The following PCDH9 variants were observed in gnomAD, a reference collection of about 807,000 sequenced individuals.
The protein encoded by PCDH9 is protocadherin 9.
PCDH9 carries 24 observed loss-of-function variants against 70.6 expected under a neutral mutation model. That is an observed-to-expected ratio of 0.34 (90% CI 0.25 to 0.48). PCDH9 has a LOEUF of 0.48. Ranked by LOEUF, PCDH9 falls within the 20% of genes least tolerant of loss-of-function variation. The pLI is 0.99. For synonymous variants in PCDH9, 562 were observed against 558.5 expected, an observed-to-expected ratio of 1.01 and a Z score of -0.09; for missense variants, 1,281 against 1,503.6, an observed-to-expected ratio of 0.85 and a Z score of 2.45.
intron 4 of PCDH9, among the ~76,000 whole-genome samples, chr13:66,477,429 A>C (rs1472176312): frequency 1.3e-5 from 2 of 152,190 alleles, no homozygotes; most frequent in Non-Finnish European, 2.9e-5. Context: ...TTTCATGTGA[A>C]TTTATGCTTA....
intron 2 of PCDH9, among the ~76,000 whole-genome samples, chr13:66,922,424 G>C (rs562049790): frequency 6.6e-6 from 1 of 151,362 alleles, no homozygotes; most frequent in South Asian, 2.1e-4. Context: ...AGTACACTTT[G>C]CTTCCAAATG....
chr13:66,544,218 G>A (rs905597230), intron 4 of PCDH9, among the ~76,000 whole-genome samples: 8 of 151,804 alleles, frequency 5.3e-5, no homozygotes, highest in Non-Finnish European at 8.8e-5. Context: ...ACTGTTTTTC[G>A]GTCCAGTATT....
intron 4 of PCDH9, among the ~76,000 whole-genome samples, chr13:66,558,954 G>A (rs1216667250): frequency 2.9e-4 from 44 of 152,172 alleles, no homozygotes; most frequent in Non-Finnish European, 1.3e-4. Flanking sequence ...TACCTGGTGA[G>A]TTCTTAATTT....
rs985476459 is a variant in PCDH9 at position 66,707,555 on chromosome 13, T to G, written c.3139-76144A>C. On this transcript the variant is annotated intron_variant, in intron 3 of 4. Coordinates refer to ENST00000377865, the MANE Select transcript of PCDH9 (RefSeq NM_203487.3). ...CAACATAGCAATAAATGAGATTACA[T>G]AGGCGCTTCTGCTCAACTGGGATAA... 7.2e-5 allele frequency among the ~76,000 whole-genome samples: 11 copies of G among 152,332 alleles called. No individual in the cohort carries two copies. The East Asian group carries it at 2.1e-3, about 29-fold the overall frequency.
intron 2 of PCDH9, chr13:67,211,351 T>C (rs1199217719): frequency 2.7e-4 from 41 of 152,014 alleles, no homozygotes; most frequent in Admixed American, 2.7e-3. Flanking sequence ...TTGATGGTTA[T>C]CACAGAAGTC....
At chr13:66,453,822 G>A (rs1225591420) in intron 4 of PCDH9, among the ~76,000 whole-genome samples, 2 of 152,048 alleles carry the variant, frequency 1.3e-5, no homozygotes, top group Non-Finnish European at 2.9e-5. Flanking sequence ...AATGAGATAT[G>A]CATATCTCAT....
chr13:66,559,817 A>AATATATAT lies in PCDH9; in HGVS notation c.3340+71385_3340+71392dup, dbSNP rs1555306267. 1.0e-3 allele frequency among the ~76,000 whole-genome samples: 95 copies of AATATATAT among 93,082 alleles called. 2 individuals are homozygous for AATATATAT. The highest frequency in any genetic ancestry group is 3.9e-3 in the African/African-American group (88 of 22,774). 61.1% of individuals were successfully genotyped at this position (93,082 alleles called of 152,430 possible). A position where few individuals can be genotyped will look rare whatever the true frequency, so the allele number is the denominator to read the frequency against. ...TCCATCTCAAAAAAAAAAAAAAAAA[A>AATATATAT]ATATATATATATATATACACACACA... On this transcript the variant is annotated intron_variant, in intron 4 of 4. Transcript: ENST00000377865.
At chr13:66,635,046 C>A (rs1032010704) in intron 3 of PCDH9, among the ~76,000 whole-genome samples, 7 of 152,086 alleles carry the variant, frequency 4.6e-5, no homozygotes, top group African/African-American at 1.7e-4. Flanking sequence ...CTTACTGCCT[C>A]CAAAAATTTT....
At chr13:66,765,062 C>T (rs1374117999) in intron 3 of PCDH9, among the ~76,000 whole-genome samples, 1 of 132,466 alleles carries the variant, frequency 7.5e-6, no homozygotes, top group Non-Finnish European at 1.6e-5. Context: ...CTCTCTCTGT[C>T]TGTCTCTGCC....
intron 2 of PCDH9, among the ~76,000 whole-genome samples, chr13:67,077,854 TA>T (rs575010074): frequency 4.0e-5 from 6 of 151,466 alleles, no homozygotes; most frequent in African/African-American, 7.3e-5. Context: ...ATGCCCACAT[TA>T]AAAAAAAATT....
chr13:66,526,513 C>CTT lies in PCDH9; in HGVS notation c.3340+104696_3340+104697insAA, dbSNP rs1348448794. On this transcript the variant is annotated intron_variant, in intron 4 of 4. Coordinates refer to ENST00000377865, the MANE Select transcript of PCDH9 (RefSeq NM_203487.3). ...ACTTATACAATGCTTTGAAATCTCT[C>CTT]TCTCTCTCTCTCTCTCTCTGTCTCT... 3.4e-5 allele frequency among the ~76,000 whole-genome samples: 3 copies of CTT among 87,654 alleles called. No individual in the cohort carries two copies. In the South Asian group the frequency reaches 1.4e-3, roughly 42 times the overall value. The allele number at this position is 87,654 out of a possible 152,430, so 57.5% of individuals were successfully genotyped here. A position where few individuals can be genotyped will look rare whatever the true frequency, so the allele number is the denominator to read the frequency against.
At chr13:66,892,106 G>T (rs1481519058) in intron 3 of PCDH9, among the ~76,000 whole-genome samples, 1 of 150,648 alleles carries the variant, frequency 6.6e-6, no homozygotes, top group African/African-American at 2.4e-5. Flanking sequence ...AATCTAACTA[G>T]CTAGTTTTTA....
At chr13:67,022,310 G>A (rs1466910403) in intron 2 of PCDH9, among the ~76,000 whole-genome samples, 2 of 151,378 alleles carry the variant, frequency 1.3e-5, no homozygotes, top group East Asian at 3.9e-4. Context: ...TTGTAGAGAT[G>A]GGGTTTCTCC....
intron 3 of PCDH9, among the ~76,000 whole-genome samples, chr13:66,649,286 G>C (rs2077816246): frequency 6.6e-6 from 1 of 151,960 alleles, no homozygotes. Context: ...AAAGGCCAAG[G>C]ATAAAGAAAG....
At chr13:66,969,421 A>G (rs995938202) in intron 2 of PCDH9, among the ~76,000 whole-genome samples, 1 of 152,056 alleles carries the variant, frequency 6.6e-6, no homozygotes, top group Admixed American at 6.6e-5. Flanking sequence ...CTTATATACT[A>G]ATAATAAATT....
At chr13:66,431,821 C>T (rs1301089294) in intron 4 of PCDH9, among the ~76,000 whole-genome samples, 1 of 151,874 alleles carries the variant, frequency 6.6e-6, no homozygotes, top group Non-Finnish European at 1.5e-5. Context: ...ATTTTAATGA[C>T]GTCCAAGATT....
At chr13:66,758,143 A>G (rs1047465030) in intron 3 of PCDH9, among the ~76,000 whole-genome samples, 1 of 152,108 alleles carries the variant, frequency 6.6e-6, no homozygotes, top group Non-Finnish European at 1.5e-5. Context: ...AAGTATATAT[A>G]CATCATGGAA....
At chr13:66,920,655 C>T (rs1051836259) in intron 2 of PCDH9, among the ~76,000 whole-genome samples, 19 of 151,224 alleles carry the variant, frequency 1.3e-4, no homozygotes, top group African/African-American at 4.4e-4. Context: ...AAACCCCAAT[C>T]CTCAAGCCAT....
At chr13:66,431,868 A>G (rs1186239270) in intron 4 of PCDH9, among the ~76,000 whole-genome samples, 1 of 152,000 alleles carries the variant, frequency 6.6e-6, no homozygotes, top group Non-Finnish European at 1.5e-5. Context: ...CTTTGATATG[A>G]TTTCATAGAC....
Sources: allele counts gnomAD v4.1 joint callset (sites outside exome capture counted in the v4.1 genomes callset), GRCh38; gene constraint gnomAD v4.1.1; transcripts MANE v1.5; gene names NCBI Gene and HGNC (gene_info 2026-07-23, HGNC 2026-07-21).